TSEN15: variants seen among roughly 807,000 people sequenced by gnomAD.
The protein encoded by TSEN15 is tRNA-splicing endonuclease subunit Sen15.
A neutral mutation model predicts 20.5 loss-of-function variants in TSEN15; 10 were observed. That is an observed-to-expected ratio of 0.49 (90% CI 0.30 to 0.83). The LOEUF (loss-of-function observed/expected upper bound fraction) is 0.83. Ranked by LOEUF, TSEN15 falls within the 40% of genes least tolerant of loss-of-function variation. TSEN15 has a pLI of 0.06. For missense variants in TSEN15, 180 were observed against 218.6 expected, an observed-to-expected ratio of 0.82 and a Z score of 1.11; for synonymous variants, 72 against 80.1, an observed-to-expected ratio of 0.90 and a Z score of 0.54.
In TSEN15 at chr1:184,051,773, T is replaced by C; in HGVS notation, c.18T>C (p.Asp6=). The C allele has an allele frequency of 6.6e-7, 1 of 1,508,546 alleles. No homozygotes were observed. The highest frequency in any genetic ancestry group is 8.9e-7 in the Non-Finnish European group (1 of 1,129,208). The allele number at this position is 1,508,546 out of a possible 1,614,324, so 93.4% of individuals were successfully genotyped here. The change falls in exon 1 of 5, where the codon GAT becomes GAC. Residue 6 remains aspartate (D), a synonymous_variant. Transcript: ENST00000645668. ...CGGCCGGCATGGAGGAGCGCGGCGATTCCGAGCCGACCCCCGGCTGCAGCG... is the reference window on the plus strand; with the variant it reads ...CGGCCGGCATGGAGGAGCGCGGCGACTCCGAGCCGACCCCCGGCTGCAGCG... MEERG[D]SEPTPGCSGL... is the part of the protein sequence containing the mutation.
chr1:184,079,104 C>T (rs1358356430), downstream of TSEN15, among the ~76,000 whole-genome samples: 2 of 152,118 alleles, frequency 1.3e-5, no homozygotes, highest in Admixed American at 6.6e-5. Flanking sequence ...GGCCAATAAC[C>T]GTTCCTTACC....
At position 184,064,898 on chromosome 1, in the gene TSEN15, C is replaced by T. The variant is rs143613656; in HGVS notation, c.354-7259C>T. 3.2e-3 allele frequency among the ~76,000 whole-genome samples: 484 copies of T among 152,200 alleles called. 2 individuals are homozygous for T. The highest frequency in any genetic ancestry group is 7.5e-3 in the African/African-American group (312 of 41,522). ...CTCTTCATTATACTCACTCCCTAAG[C>T]GGCCTTATCTGGTTCTAAGGTTTTA... is the stretch of plus-strand genomic sequence containing the variant. On this transcript the variant is annotated intron_variant, in intron 3 of 4. Coordinates refer to ENST00000645668, the MANE Select transcript of TSEN15 (RefSeq NM_052965.4).
intron 3 of TSEN15, among the ~76,000 whole-genome samples, chr1:184,069,901 T>C (rs74387301): frequency 0.013 from 2,015 of 152,124 alleles, 41 homozygotes; most frequent in African/African-American, 0.044. Flanking sequence ...CTGTTACTAG[T>C]GAGAAGATTC....
At position 184,053,858 on chromosome 1, in the gene TSEN15, C is replaced by A. The variant is rs374101219; in HGVS notation, c.136-496C>A. ...TAGGGAAATACACAGTACCCACTAA[C>A]ATGTCCCATCACAAGTTTTATTAAA... On this transcript the variant is annotated intron_variant, in intron 1 of 4. Transcript: ENST00000645668. 2.3e-4 allele frequency among the ~76,000 whole-genome samples: 35 copies of A among 152,356 alleles called. No homozygotes were observed. In the East Asian group the frequency reaches 4.2e-3, roughly 18 times the overall value.
intron 3 of TSEN15, among the ~76,000 whole-genome samples, chr1:184,089,903 T>A (rs1651328037): frequency 6.6e-6 from 1 of 152,086 alleles, no homozygotes; most frequent in Admixed American, 6.6e-5. Context: ...CTCCACCCTA[T>A]CCTGTGGGGC....
intron 3 of TSEN15, among the ~76,000 whole-genome samples, chr1:184,085,503 A>G (rs2102902830): frequency 6.6e-6 from 1 of 152,358 alleles, no homozygotes; most frequent in East Asian, 1.9e-4. Flanking sequence ...GACAAATGCT[A>G]TGAAGAACAT....
intron 3 of TSEN15, among the ~76,000 whole-genome samples, chr1:184,079,619 C>T (rs534566796): frequency 3.9e-5 from 6 of 152,100 alleles, no homozygotes; most frequent in African/African-American, 4.8e-5. Flanking sequence ...TGCTGTCTGG[C>T]GGCATCTTTT....
chr1:184,079,207 TG>T (rs1453956106), downstream of TSEN15, among the ~76,000 whole-genome samples: 2 of 152,178 alleles, frequency 1.3e-5, no homozygotes, highest in African/African-American at 4.8e-5. Context: ...TAGGTGGGTG[TG>T]CTATTATAAT....
intron 3 of TSEN15, among the ~76,000 whole-genome samples, chr1:184,079,653 G>A (rs1284444111): frequency 2.0e-5 from 3 of 152,072 alleles, no homozygotes; most frequent in South Asian, 2.1e-4. Context: ...GAACACCAGC[G>A]CCATCAGATT....
At chr1:184,060,369 A>G (rs1483709718) in intron 3 of TSEN15, among the ~76,000 whole-genome samples, 2 of 152,240 alleles carry the variant, frequency 1.3e-5, no homozygotes, top group African/African-American at 4.8e-5. Flanking sequence ...TTTTAGATCC[A>G]CTTGTGCCAG....
intron 3 of TSEN15, among the ~76,000 whole-genome samples, chr1:184,067,749 C>A (rs1487407917): frequency 6.6e-6 from 1 of 151,458 alleles, no homozygotes; most frequent in Non-Finnish European, 1.5e-5. Flanking sequence ...AAAACCCCGT[C>A]TCTACTAAAA....
At chr1:184,057,645 A>T (rs1650296093) in intron 3 of TSEN15, among the ~76,000 whole-genome samples, 1 of 152,194 alleles carries the variant, frequency 6.6e-6, no homozygotes, top group Non-Finnish European at 1.5e-5. Context: ...TCCCTTCTAA[A>T]TTAAAGCTGC....
Position 184,051,952 on chromosome 1 carries a change from A to C in TSEN15, c.135+62A>C, listed in dbSNP as rs972119390. 2.9e-6 allele frequency: 4 copies of C among 1,364,792 alleles called. No individual in the cohort carries two copies. The African/African-American group carries it at 6.0e-5, about 21-fold the overall frequency. 84.5% of individuals were successfully genotyped at this position (1,364,792 alleles called of 1,614,324 possible). A position where few individuals can be genotyped will look rare whatever the true frequency, so the allele number is the denominator to read the frequency against. On this transcript the variant is annotated intron_variant, in intron 1 of 4. Coordinates refer to ENST00000645668, the MANE Select transcript of TSEN15 (RefSeq NM_052965.4). ...CCCCTAACCCAGGCAGAACACTCCC[A>C]GGCAGCTCTCTTTCTTTCTTCCTCA...
At chr1:184,092,701 C>T (rs1282995764) in intron 3 of TSEN15, among the ~76,000 whole-genome samples, 2 of 152,254 alleles carry the variant, frequency 1.3e-5, no homozygotes, top group Admixed American at 6.5e-5. Flanking sequence ...GGAGCTCCCT[C>T]AGGCCAGCCC....
At chr1:184,056,850 C>T (rs988967790) in intron 3 of TSEN15, among the ~76,000 whole-genome samples, 2 of 152,062 alleles carry the variant, frequency 1.3e-5, no homozygotes, top group Non-Finnish European at 2.9e-5. Flanking sequence ...TTTATCTGTC[C>T]TTTTGCCAAT....
chr1:184,067,160 T>G (rs1182247713), intron 3 of TSEN15, among the ~76,000 whole-genome samples: 3 of 152,200 alleles, frequency 2.0e-5, no homozygotes, highest in African/African-American at 7.2e-5. Flanking sequence ...ATTCTTCCAT[T>G]TTCTCATACC....
downstream of TSEN15, among the ~76,000 whole-genome samples, chr1:184,078,666 C>T (rs1192621046): frequency 6.6e-6 from 1 of 152,120 alleles, no homozygotes; most frequent in Non-Finnish European, 1.5e-5. Context: ...GAATATGTTA[C>T]TAAACACCAT....
rs530935587 is a variant in TSEN15 at position 184,070,740 on chromosome 1, A to G, written c.354-1417A>G. ...ACTTCCCATCAGTGCTGAGTAATGA[A>G]GTTTCTGATTAATATCTATCGTTGC... On this transcript the variant is annotated intron_variant, in intron 3 of 4. Coordinates refer to ENST00000645668, the MANE Select transcript of TSEN15 (RefSeq NM_052965.4). The G allele has an allele frequency of 1.1e-3, 1,081 of 1,025,344 alleles. 8 individuals carry two copies. The highest frequency in any genetic ancestry group is 5.4e-3 in the South Asian group (286 of 52,702). The allele number at this position is 1,025,344 out of a possible 1,614,324, so 63.5% of individuals were successfully genotyped here. A position where few individuals can be genotyped will look rare whatever the true frequency, so the allele number is the denominator to read the frequency against.
intron 3 of TSEN15, among the ~76,000 whole-genome samples, chr1:184,081,227 G>T (rs150590783): frequency 6.6e-6 from 1 of 152,186 alleles, no homozygotes; most frequent in Non-Finnish European, 1.5e-5. Context: ...ATTAGTCAGG[G>T]TGGGCTGGAT....
Sources: allele counts gnomAD v4.1 joint callset (sites outside exome capture counted in the v4.1 genomes callset), GRCh38; gene constraint gnomAD v4.1.1; transcripts MANE v1.5; gene names NCBI Gene and HGNC (gene_info 2026-07-23, HGNC 2026-07-21).